RANBP17: variants seen among roughly 807,000 people sequenced by gnomAD.
RANBP17 encodes RAN binding protein 17.
In RANBP17, 158 loss-of-function variants were observed where a neutral mutation model predicts 141.2. The ratio of observed to expected loss-of-function variants is 1.12; its 90% CI spans 0.98 to 1.28. The LOEUF (loss-of-function observed/expected upper bound fraction) is 1.28, where lower values mean the gene tolerates loss of function less well. Among genes scored for constraint, RANBP17 ranks in the 50% most tolerant of loss-of-function variants. The probability of loss-of-function intolerance (pLI) is 0.00; values close to 1 mark genes in which losing one functional copy is unlikely to be tolerated. For missense variants in RANBP17, 1,438 were observed against 1,290.7 expected, an observed-to-expected ratio of 1.11 and a Z score of -1.75; for synonymous variants, 430 against 450.0, an observed-to-expected ratio of 0.96 and a Z score of 0.56.
chr5:170,920,922 C>G (rs1296622196), intron 11 of RANBP17, among the ~76,000 whole-genome samples: 1 of 152,090 alleles, frequency 6.6e-6, no homozygotes. Flanking sequence ...ATATCCTTTG[C>G]CCACTTTTTG....
chr5:171,005,269 A>G (rs1168979861), intron 14 of RANBP17, among the ~76,000 whole-genome samples: 1 of 152,218 alleles, frequency 6.6e-6, no homozygotes, highest in African/African-American at 2.4e-5. Context: ...GAACCAAAAA[A>G]GAGCCTGCAT....
At chr5:171,120,127 G>A (rs148802779) in intron 14 of RANBP17, among the ~76,000 whole-genome samples, 5 of 151,766 alleles carry the variant, frequency 3.3e-5, no homozygotes, top group African/African-American at 9.7e-5. Flanking sequence ...CAGACAGAGC[G>A]GCTCCTGTTC....
chr5:171,019,310 T>G (rs1210056751), intron 14 of RANBP17, among the ~76,000 whole-genome samples: 1 of 152,232 alleles, frequency 6.6e-6, no homozygotes, highest in African/African-American at 2.4e-5. Flanking sequence ...TTCAATTGTT[T>G]GGAATAGTTT....
rs560397382 is a variant in RANBP17 at position 170,947,375 on chromosome 5, G to T, written c.1469-6222G>T. Reference sequence around the variant, plus strand: ...GAGAACAAAACAGACAAAAATACCTGTTTTCATGCAGTTTACATTCTGTTG... The same window carrying T: ...GAGAACAAAACAGACAAAAATACCTTTTTTCATGCAGTTTACATTCTGTTG... On this transcript the variant is annotated intron_variant, in intron 12 of 27. Transcript: ENST00000523189. Among the ~76,000 whole-genome samples the T allele has an allele frequency of 9.2e-5, 14 of 152,150 alleles. No homozygotes were observed. In the South Asian group the frequency reaches 2.5e-3, roughly 27 times the overall value.
At chr5:171,260,202 G>T (rs1484599618) in intron 24 of RANBP17, among the ~76,000 whole-genome samples, 3 of 151,002 alleles carry the variant, frequency 2.0e-5, no homozygotes, top group Non-Finnish European at 2.9e-5. Context: ...CGGGGAGGCT[G>T]AGGCAGGAGA....
Position 171,240,978 on chromosome 5 carries a change from A to G in RANBP17, c.2473A>G (p.Met825Val), listed in dbSNP as rs190954840. 6.6e-5 allele frequency: 106 copies of G among 1,614,046 alleles called. No homozygotes were observed. The highest frequency in any genetic ancestry group is 1.2e-4 in the Admixed American group (7 of 60,026). Residue 825 changes from methionine to valine, a missense_variant, in exon 23 of 28, where the codon ATG becomes GTG. Coordinates refer to ENST00000523189, the MANE Select transcript of RANBP17 (RefSeq NM_022897.5). ...CCTCTCAAAAGATCAGATTTATCCAATGAAACTCAAGGGCATCTCCATCTG... is the reference window on the plus strand; with the variant it reads ...CCTCTCAAAAGATCAGATTTATCCAGTGAAACTCAAGGGCATCTCCATCTG... Reference protein sequence around the residue: ...GSLSKDQIYPMKLKGISICYS... With the variant: ...GSLSKDQIYPVKLKGISICYS...
At chr5:171,083,545 T>C (rs1785397647) in intron 14 of RANBP17, among the ~76,000 whole-genome samples, 1 of 152,222 alleles carries the variant, frequency 6.6e-6, no homozygotes, top group African/African-American at 2.4e-5. Context: ...ACAACACAAG[T>C]TTGAACTGTG....
chr5:171,271,071 A>ATTTT (rs1767074293), intron 25 of RANBP17: 1 of 24,198 alleles, frequency 4.1e-5, no homozygotes, highest in African/African-American at 4.0e-4. Flanking sequence ...TTTTTATGTT[A>ATTTT]TTTCTTTTTT....
chr5:171,221,620 T>A (rs1312342806), intron 21 of RANBP17, 138 bp from the exon 22 acceptor site: 1 of 644,666 alleles, frequency 1.6e-6, no homozygotes, highest in East Asian at 2.7e-5. Flanking sequence ...TTATCAACAG[T>A]TGTTTATAAA....
intron 14 of RANBP17, among the ~76,000 whole-genome samples, chr5:171,007,946 G>A (rs1779769425): frequency 6.6e-6 from 1 of 152,120 alleles, no homozygotes; most frequent in Non-Finnish European, 1.5e-5. Context: ...GAGCAACCCT[G>A]GGCTGCAATG....
intron 12 of RANBP17, among the ~76,000 whole-genome samples, chr5:170,945,847 A>G (rs541330186): frequency 6.6e-6 from 1 of 152,268 alleles, no homozygotes; most frequent in Non-Finnish European, 1.5e-5. Flanking sequence ...TCTCCTTGGT[A>G]ATGATCCCCA....
chr5:171,019,240 C>T (rs962644427), intron 14 of RANBP17, among the ~76,000 whole-genome samples: 8 of 152,096 alleles, frequency 5.3e-5, no homozygotes, highest in East Asian at 3.9e-4. Context: ...TGTGTCTTCC[C>T]GGCTTTGGTA....
intron 3 of RANBP17, among the ~76,000 whole-genome samples, chr5:170,891,874 TTTTTTGGTA>T (rs1769644281): frequency 1.3e-5 from 2 of 152,178 alleles, no homozygotes; most frequent in African/African-American, 4.8e-5. Context: ...TCACCTAGCA[TTTTTTGGTA>T]GATAAAATCA....
At position 171,252,252 on chromosome 5, in the gene RANBP17, A is replaced by G. The variant is rs192075126; in HGVS notation, c.2776+9432A>G. 1.0e-4 allele frequency: 158 copies of G among 1,572,840 alleles called. No individual in the cohort carries two copies. The African/African-American group carries it at 1.3e-3, about 13-fold the overall frequency. ...TTTTACAAGAAGAGAGAAAGCAAGA[A>G]AAACAAAATGGCCGCTTACCTAATG... On this transcript the variant is annotated intron_variant, in intron 24 of 27. Coordinates refer to ENST00000523189, the MANE Select transcript of RANBP17 (RefSeq NM_022897.5).
intron 11 of RANBP17, among the ~76,000 whole-genome samples, chr5:170,921,303 A>G (rs184326756): frequency 6.6e-6 from 1 of 152,166 alleles, no homozygotes; most frequent in African/African-American, 2.4e-5. Flanking sequence ...TCAGCTTTCT[A>G]CATATGGCTA....
intron 25 of RANBP17, among the ~76,000 whole-genome samples, chr5:171,288,031 T>C (rs1313378132): frequency 6.6e-6 from 1 of 152,258 alleles, no homozygotes; most frequent in African/African-American, 2.4e-5. Context: ...CTTAATTTAC[T>C]AATGCTTCCT....
chr5:171,147,730 A>C (rs916781085), intron 14 of RANBP17, among the ~76,000 whole-genome samples: 2 of 152,104 alleles, frequency 1.3e-5, no homozygotes, highest in Admixed American at 6.5e-5. Context: ...ATCTTTTCTA[A>C]GCAGCTAAAG....
chr5:170,999,269 C>G (rs1306852229), intron 14 of RANBP17, among the ~76,000 whole-genome samples: 1 of 151,916 alleles, frequency 6.6e-6, no homozygotes, highest in Non-Finnish European at 1.5e-5. Flanking sequence ...ATGGGGTTTT[C>G]TTTCATCATA....
intron 1 of RANBP17, among the ~76,000 whole-genome samples, chr5:170,870,212 T>G (rs911133312): frequency 6.6e-6 from 1 of 152,176 alleles, no homozygotes; most frequent in Non-Finnish European, 1.5e-5. Flanking sequence ...TAAATACATA[T>G]TTAATTTTAC....
Sources: gnomAD v4.1 joint callset for allele counts (sites outside exome capture counted in the v4.1 genomes callset) on GRCh38, gnomAD v4.1.1 for gene constraint, MANE v1.5 for transcripts, NCBI Gene and HGNC (gene_info 2026-07-23, HGNC 2026-07-21) for gene names.